Variants in FADS2 observed in about 807,000 individuals in gnomAD.
The protein encoded by FADS2 is acyl-CoA 6-desaturase.
In FADS2, 18 loss-of-function variants were observed where a neutral mutation model predicts 61.2. The ratio of observed to expected loss-of-function variants is 0.29; its 90% CI spans 0.20 to 0.44. The LOEUF is 0.44. Among genes scored for constraint, FADS2 ranks in the 20% least tolerant of loss-of-function variants. FADS2 has a pLI of 1.00. For missense variants in FADS2, 322 were observed against 572.7 expected (o/e 0.56, Z 4.47); for synonymous variants, 203 against 223.9 (o/e 0.91, Z 0.83).
At chr11:61,859,671 C>T (rs1484277202) in intron 7 of FADS2, among the ~76,000 whole-genome samples, 2 of 152,216 alleles carry the variant, frequency 1.3e-5, no homozygotes, top group East Asian at 3.8e-4. Context: ...TTGCCTCTAG[C>T]ATCCAATCCC....
upstream of FADS2, among the ~76,000 whole-genome samples, chr11:61,824,379 C>T (rs1475416754): frequency 7.9e-6 from 1 of 125,906 alleles, no homozygotes; most frequent in Admixed American, 8.7e-5. Flanking sequence ...GAGACTCCAT[C>T]TTGGGGGAAA....
chr11:61,816,905 C>CA lies in FADS2; in HGVS notation c.141+479_141+480insA. On this transcript the variant is annotated intron_variant, in intron 1 of 11. Transcript: ENST00000257261. The surrounding 1 kb of genome is among the most constrained non-coding windows in gnomAD (Gnocchi z 7.0). ...TTTTCAGCACCGCAGGGCAGACCGG[C>CA]GGGCCTCGCAGCGCGCGTTCCCATT... The CA allele has an allele frequency of 4.2e-6, 6 of 1,413,954 alleles. No homozygotes were observed. Among genetic ancestry groups the CA allele is most frequent in the Non-Finnish European group, 5.5e-6 (6 of 1,096,116 alleles). 87.6% of individuals were successfully genotyped at this position (1,413,954 alleles called of 1,614,324 possible). A position where few individuals can be genotyped will look rare whatever the true frequency, so the allele number is the denominator to read the frequency against.
chr11:61,845,626 C>T (rs2067251023), intron 4 of FADS2, among the ~76,000 whole-genome samples: 1 of 152,044 alleles, frequency 6.6e-6, no homozygotes, highest in Non-Finnish European at 1.5e-5. Context: ...AACCCCATCT[C>T]TACTGAAAAT....
rs551092672 is a variant in FADS2 at position 61,830,167 on chromosome 11, G to A, written c.207+1570G>A. Among the ~76,000 whole-genome samples the A allele has an allele frequency of 4.1e-4, 63 of 152,272 alleles. 2 individuals carry two copies. The South Asian group carries it at 0.012, about 30-fold the overall frequency. ...TAAAGGACCTTCTGGATCCTGGCTGGGATCTTTCCACTATATGTTGCTGGA... is the reference window on the plus strand; with the variant it reads ...TAAAGGACCTTCTGGATCCTGGCTGAGATCTTTCCACTATATGTTGCTGGA... On this transcript the variant is annotated intron_variant, in intron 1 of 11. Coordinates refer to ENST00000278840, the MANE Select transcript of FADS2 (RefSeq NM_004265.4).
chr11:61,857,372 A>G, intron 6 of FADS2, 82 bp from the exon 7 acceptor site: 8 of 1,283,182 alleles, frequency 6.2e-6, no homozygotes, highest in Non-Finnish European at 9.1e-6. Context: ...CCCTGCACTC[A>G]GTGCTGGGCC....
rs144411979 is a variant in FADS2 at position 61,820,559 on chromosome 11, A to G, written c.141+4133A>G. Among the ~76,000 whole-genome samples the G allele has an allele frequency of 2.1e-4, 32 of 152,200 alleles. No homozygotes were observed. The East Asian group carries it at 5.4e-3, about 26-fold the overall frequency. On this transcript the variant is annotated intron_variant, in intron 1 of 11. Coordinates refer to the FADS2 transcript ENST00000257261. ...TGGATTCTGTTTATACTACCAATAC[A>G]TATTCAGAGCACCTTGGTTTGGAGT...
chr11:61,853,363 A>C (rs1273091353), intron 5 of FADS2, among the ~76,000 whole-genome samples: 1 of 137,350 alleles, frequency 7.3e-6, no homozygotes, highest in East Asian at 2.2e-4. Context: ...CTGGATGTTG[A>C]AGTAGTCTCT....
rs2067325768 is a variant in FADS2, at chr11:61,853,290, C to CCTT, written c.745-3720_745-3719insTTC. Among the ~76,000 whole-genome samples the CCTT allele has an allele frequency of 1.5e-4, 12 of 81,692 alleles. 1 individual carries two copies. The highest frequency in any genetic ancestry group is 2.5e-4 in the African/African-American group (4 of 16,286). 53.6% of individuals were successfully genotyped at this position (81,692 alleles called of 152,430 possible). On this transcript the variant is annotated intron_variant, in intron 5 of 11. Transcript: ENST00000278840. The stretch of plus-strand genomic sequence containing the variant: ...CCCTCCCTCCCTTCCCTCCCTCCCT[C>CCTT]CCTTCCTTCCTTCCTTCCTTCCTTC...
At chr11:61,826,561 G>T, upstream of FADS2, 2 of 602,134 alleles carry the variant, frequency 3.3e-6, no homozygotes, top group Non-Finnish European at 3.0e-6. Flanking sequence ...GTCAACGTTT[G>T]ACAGTCCTCA....
In FADS2 at chr11:61,828,886, T is replaced by G. The variant is rs1449684214; in HGVS notation, c.207+289T>G. On this transcript the variant is annotated intron_variant, in intron 1 of 11. Transcript: ENST00000278840. The surrounding 1 kb of genome is among the most constrained non-coding windows in gnomAD (Gnocchi z 6.4). ...CGCGCGCGCCGGGACCCACGCGTCCTCCCCTTCCTCGGGGTTTGTCTGGAG... is the reference window on the plus strand; with the variant it reads ...CGCGCGCGCCGGGACCCACGCGTCCGCCCCTTCCTCGGGGTTTGTCTGGAG... Among the ~76,000 whole-genome samples the G allele has an allele frequency of 1.3e-5, 2 of 152,166 alleles. No homozygotes were observed. The highest frequency in any genetic ancestry group is 2.9e-5 in the Non-Finnish European group (2 of 68,012).
intron 7 of FADS2, among the ~76,000 whole-genome samples, chr11:61,860,723 C>T (rs1489817613): frequency 5.9e-5 from 9 of 152,214 alleles, no homozygotes; most frequent in East Asian, 3.9e-4. Flanking sequence ...GTTTTGAGAC[C>T]AGCCTGAGCA....
At chr11:61,825,989 C>T, upstream of FADS2, 1 of 683,966 alleles carries the variant, frequency 1.5e-6, no homozygotes. Context: ...CTCCCCTCTC[C>T]TCGAGCACTG....
chr11:61,851,563 C>T (rs1479445049), intron 5 of FADS2, among the ~76,000 whole-genome samples: 1 of 152,240 alleles, frequency 6.6e-6, no homozygotes, highest in Non-Finnish European at 1.5e-5. Context: ...ACCCGGCCGC[C>T]CTGGAAGGAA....
chr11:61,832,552 C>G (rs2067138725), intron 1 of FADS2, among the ~76,000 whole-genome samples: 1 of 152,206 alleles, frequency 6.6e-6, no homozygotes, highest in African/African-American at 2.4e-5. Flanking sequence ...TTTCTGCCCT[C>G]AGGGTAGTGC....
chr11:61,856,962 G>A (rs1390066347), intron 5 of FADS2, 49 bp from the exon 6 acceptor site: 2 of 1,474,024 alleles, frequency 1.4e-6, no homozygotes, highest in Middle Eastern at 1.7e-4. Flanking sequence ...AACATGGGAG[G>A]CTGGGAGCTG....
In FADS2 at chr11:61,865,035, T is replaced by C; in HGVS notation, c.1158-117T>C. 1.6e-6 allele frequency: 2 copies of C among 1,255,768 alleles called. No individual in the cohort carries two copies. Among genetic ancestry groups the C allele is most frequent in the East Asian group, 2.4e-5 (1 of 42,018 alleles). 77.8% of individuals were successfully genotyped at this position (1,255,768 alleles called of 1,614,324 possible). On this transcript the variant is annotated intron_variant, in intron 10 of 11. Transcript: ENST00000278840. This position sits in a 1 kb window ranked among gnomAD's most constrained non-coding sequence, Gnocchi z 4.1. ...AGGAGCCACACTTTGAGACTGGTCC[T>C]GGCTGTGGACAGGGTCTCTGAGGGC...
At chr11:61,855,693 C>G (rs1272916369) in intron 5 of FADS2, 1 of 152,252 alleles carries the variant, frequency 6.6e-6, no homozygotes, top group Non-Finnish European at 1.5e-5. Flanking sequence ...GGACCTGGTT[C>G]CCACCCACAG....
At chr11:61,848,080 T>C in intron 4 of FADS2, 79 bp from the exon 5 acceptor site, 1 of 1,588,430 alleles carries the variant, frequency 6.3e-7, no homozygotes, top group South Asian at 1.1e-5. Context: ...CGGGAACTGC[T>C]CCTAAGAAGG....
upstream of FADS2, chr11:61,826,519 T>C (rs1409903273): frequency 1.7e-6 from 1 of 604,722 alleles, no homozygotes; most frequent in Non-Finnish European, 2.9e-6. Context: ...TTAATCCATT[T>C]CTGAGAAAAT....
Sources: gnomAD v4.1 joint callset for allele counts (sites outside exome capture counted in the v4.1 genomes callset) on GRCh38, gnomAD v4.1.1 for gene constraint, Gnocchi (gnomAD v3.1) non-coding constraint, MANE v1.5 for transcripts, NCBI Gene and HGNC (gene_info 2026-07-23, HGNC 2026-07-21) for gene names.